EPAS1: variants seen among roughly 807,000 people sequenced by gnomAD.
The protein encoded by EPAS1 is endothelial PAS domain-containing protein 1.
EPAS1 carries 23 observed loss-of-function variants against 87.9 expected under a neutral mutation model. The observed-to-expected ratio is 0.26, with a 90% confidence interval of 0.19 to 0.37. The LOEUF (loss-of-function observed/expected upper bound fraction) is 0.37. Among genes scored for constraint, EPAS1 ranks in the 10% least tolerant of loss-of-function variants. EPAS1 has a pLI of 1.00. For missense variants in EPAS1, 1,138 were observed against 1,120.7 expected (o/e 1.02, Z -0.22); for synonymous variants, 508 against 444.3 (o/e 1.14, Z -1.80).
At chr2:46,301,282 G>A (rs1334428019) in intron 1 of EPAS1, among the ~76,000 whole-genome samples, 1 of 152,088 alleles carries the variant, frequency 6.6e-6, no homozygotes, top group Non-Finnish European at 1.5e-5. Flanking sequence ...AATTAGTGCT[G>A]ATAAGAGTCA....
At position 46,375,181 on chromosome 2, in the gene EPAS1, A is replaced by G. The variant is rs1558608455; in HGVS notation, c.887-509A>G. 7.0e-6 allele frequency among the ~76,000 whole-genome samples: 1 copy of G among 143,282 alleles called. No homozygotes were observed. Among genetic ancestry groups the G allele is most frequent in the African/African-American group, 2.7e-5 (1 of 36,908 alleles). The allele number at this position is 143,282 out of a possible 152,430, so 94.0% of individuals were successfully genotyped here. On this transcript the variant is annotated intron_variant, in intron 7 of 15. Coordinates refer to ENST00000263734, the MANE Select transcript of EPAS1 (RefSeq NM_001430.5). This position sits in a 1 kb window ranked among gnomAD's most constrained non-coding sequence, Gnocchi z 4.1. ...GGGTATTGGTGGTGGGTCTGCTGAA[A>G]AAAAAAAACAAAAAAAAACAAAAAA...
At chr2:46,349,242 C>T (rs539063742) in intron 2 of EPAS1, among the ~76,000 whole-genome samples, 1 of 152,164 alleles carries the variant, frequency 6.6e-6, no homozygotes, top group Admixed American at 6.5e-5. Flanking sequence ...TCCTGTCCTT[C>T]CCCCTAGTGC....
At chr2:46,359,256 T>TCAAAAAAAAAAAAA (rs1684336210) in intron 4 of EPAS1, among the ~76,000 whole-genome samples, 1 of 16,054 alleles carries the variant, frequency 6.2e-5, no homozygotes, top group Non-Finnish European at 8.3e-5. Context: ...AGATTCTGTC[T>TCAAAAAAAAAAAAA]CAAAAAAAAA....
At chr2:46,351,549 G>C (rs1315732394) in intron 2 of EPAS1, among the ~76,000 whole-genome samples, 1 of 152,160 alleles carries the variant, frequency 6.6e-6, no homozygotes, top group Non-Finnish European at 1.5e-5. Context: ...TGCTCTTGCA[G>C]TCTGCACATC....
At chr2:46,372,826 C>A (rs1684654647) in intron 7 of EPAS1, among the ~76,000 whole-genome samples, 1 of 152,220 alleles carries the variant, frequency 6.6e-6, no homozygotes, top group African/African-American at 2.4e-5. Flanking sequence ...ATTTGGTTTG[C>A]ATTAAGGACC....
chr2:46,310,633 C>G (rs143197040), intron 1 of EPAS1, among the ~76,000 whole-genome samples: 3 of 152,192 alleles, frequency 2.0e-5, no homozygotes, highest in Non-Finnish European at 4.4e-5. Context: ...TTTCCCTCCT[C>G]GAGCAGGTGT....
chr2:46,366,897 C>T (rs1042282990), intron 6 of EPAS1, among the ~76,000 whole-genome samples: 4 of 152,238 alleles, frequency 2.6e-5, no homozygotes, highest in East Asian at 1.9e-4. Context: ...CTGGCGTCTA[C>T]GTGCCTGCAC....
At chr2:46,361,773 T>C (rs1684391839) in intron 6 of EPAS1, among the ~76,000 whole-genome samples, 1 of 152,222 alleles carries the variant, frequency 6.6e-6, no homozygotes, top group South Asian at 2.1e-4. Context: ...TGCCTAAGAC[T>C]GCTTAGGCAT....
At chr2:46,298,078 G>A in intron 1 of EPAS1, 141 bp downstream of exon 1, 2 of 1,060,442 alleles carry the variant, frequency 1.9e-6, no homozygotes, top group Non-Finnish European at 2.8e-6. Flanking sequence ...GGCTGTGAGG[G>A]GGAGAGCATG....
At chr2:46,306,876 A>G (rs1683116528) in intron 1 of EPAS1, among the ~76,000 whole-genome samples, 1 of 152,224 alleles carries the variant, frequency 6.6e-6, no homozygotes, top group Non-Finnish European at 1.5e-5. Context: ...TAGTACAGCA[A>G]AATTTTGGGT....
Position 46,380,656 on chromosome 2 carries a change from T to C in EPAS1, c.1984T>C (p.Leu662=), listed in dbSNP as rs1292066251. The C allele has an allele frequency of 1.9e-6, 3 of 1,614,112 alleles. No homozygotes were observed. The highest frequency in any genetic ancestry group is 2.5e-6 in the Non-Finnish European group (3 of 1,180,008). ...WAVGDQRTEF[L]GAAPLGPPVS... is the part of the protein sequence containing the mutation. ...CGTCGGGGATCAGCGCACAGAGTTCTTGGGAGCAGCGCCGTTGGGGCCCCC... is the reference window on the plus strand; with the variant it reads ...CGTCGGGGATCAGCGCACAGAGTTCCTGGGAGCAGCGCCGTTGGGGCCCCC... Residue 662 remains leucine, a synonymous_variant, in exon 12 of 16, where the codon TTG becomes CTG. Transcript: ENST00000263734. This position sits in a 1 kb window ranked among gnomAD's most constrained non-coding sequence, Gnocchi z 4.4.
In EPAS1 at chr2:46,381,635, G is replaced by A. The variant is rs749679556; in HGVS notation, c.2085G>A (p.Leu695=). 8.1e-6 allele frequency: 13 copies of A among 1,614,000 alleles called. No individual in the cohort carries two copies. Among genetic ancestry groups the A allele is most frequent in the Non-Finnish European group, 1.1e-5 (13 of 1,180,030 alleles). ...TTGGGGCTCGAGGCCCAGACGTGCT[G>A]AGTCCGGCCATGGTAGCCCTCTCCA... is the stretch of plus-strand genomic sequence containing the variant. ...KGFGARGPDV[L]SPAMVALSNK... is the part of the protein sequence containing the mutation. The change falls in exon 13 of 16, where the codon CTG becomes CTA. Residue 695 remains leucine (L), a synonymous_variant. Transcript: ENST00000263734.
intron 1 of EPAS1, among the ~76,000 whole-genome samples, chr2:46,303,075 A>G (rs894514042): frequency 2.6e-5 from 4 of 152,124 alleles, no homozygotes; most frequent in African/African-American, 9.7e-5. Context: ...AACGTCAAAG[A>G]AAGAAAGAAA....
chr2:46,384,912 C>T lies in EPAS1; in HGVS notation c.*252C>T. On this transcript the variant is annotated 3_prime_UTR_variant, in exon 16 of 16. Coordinates refer to ENST00000263734, the MANE Select transcript of EPAS1 (RefSeq NM_001430.5). ...TTAAATTTTGTAGGATTTTTTTCCT[C>T]CCCACCTTCAATGACTTCTAATTTA... 1 of 534,902 alleles carries T rather than the reference C, an allele frequency of 1.9e-6. No individual in the cohort carries two copies. The allele number at this position is 534,902 out of a possible 1,614,324, so 33.1% of individuals were successfully genotyped here.
rs1682925757 is a variant in EPAS1 at position 46,298,206 on chromosome 2, G to T, written c.26+269G>T. ...GGCCGAGGGAGATGGCCTGGAGGTC[G>T]GAGGTGCTTCCGCGGTGCCTTTGAA... On this transcript the variant is annotated intron_variant, in intron 1 of 15. Coordinates refer to ENST00000263734, the MANE Select transcript of EPAS1 (RefSeq NM_001430.5). Among the ~76,000 whole-genome samples the T allele has an allele frequency of 9.2e-5, 14 of 152,324 alleles. No homozygotes were observed. In the South Asian group the frequency reaches 2.9e-3, roughly 32 times the overall value.
chr2:46,340,601 A>C (rs966365405), intron 1 of EPAS1, among the ~76,000 whole-genome samples: 1 of 152,222 alleles, frequency 6.6e-6, no homozygotes, highest in African/African-American at 2.4e-5. Flanking sequence ...GATAGAGACC[A>C]TGCCCCTCAG....
intron 1 of EPAS1, among the ~76,000 whole-genome samples, chr2:46,308,276 T>G (rs1186626882): frequency 1.3e-5 from 2 of 152,184 alleles, no homozygotes; most frequent in Admixed American, 1.3e-4. Context: ...CGTAGAAATT[T>G]CCACAGTGGC....
chr2:46,366,378 G>A (rs1684502254), intron 6 of EPAS1, among the ~76,000 whole-genome samples: 1 of 152,198 alleles, frequency 6.6e-6, no homozygotes, highest in African/African-American at 2.4e-5. Flanking sequence ...GAAGTCCAGT[G>A]CTCAGAGAGC....
intron 1 of EPAS1, among the ~76,000 whole-genome samples, chr2:46,321,792 G>T (rs1429345564): frequency 2.0e-5 from 3 of 151,780 alleles, no homozygotes; most frequent in Admixed American, 1.3e-4. Context: ...ATATTTGGGA[G>T]TGAAAGGTGT....
Sources: gnomAD v4.1 joint callset for allele counts (sites outside exome capture counted in the v4.1 genomes callset) on GRCh38, gnomAD v4.1.1 for gene constraint, Gnocchi (gnomAD v3.1) non-coding constraint, MANE v1.5 for transcripts, NCBI Gene and HGNC (gene_info 2026-07-23, HGNC 2026-07-21) for gene names.